The following NOVA1 variants were observed in gnomAD, a reference collection of about 807,000 sequenced individuals.
NOVA1 encodes the protein NOVA alternative splicing regulator 1.
Under a neutral mutation model 38.0 loss-of-function variants are expected in NOVA1, and 7 were observed. The observed-to-expected ratio is 0.18, with a 90% CI of 0.10 to 0.35. The LOEUF is 0.35. NOVA1 is among the 10% of genes least tolerant of loss of function. The pLI is 1.00. For missense variants in NOVA1, 460 were observed against 616.0 expected, an observed-to-expected ratio of 0.75 and a Z score of 2.68; for synonymous variants, 270 against 232.5, an observed-to-expected ratio of 1.16 and a Z score of -1.47.
Position 26,564,279 on chromosome 14 carries a change from T to C in NOVA1, c.280+31131A>G, listed in dbSNP as rs544775188. 3.2e-4 allele frequency among the ~76,000 whole-genome samples: 48 copies of C among 152,302 alleles called. No homozygotes were observed. In the South Asian group the frequency reaches 6.2e-3, roughly 20 times the overall value. On this transcript the variant is annotated intron_variant, in intron 2 of 4. Transcript: ENST00000539517. ...TTGATGAACTTGTAGCTAACGGTAC[T>C]AACAGCATAATAGCACTTACAACGC...
At chr14:26,511,090 C>G (rs1367475164) in intron 2 of NOVA1, among the ~76,000 whole-genome samples, 1 of 152,036 alleles carries the variant, frequency 6.6e-6, no homozygotes, top group Non-Finnish European at 1.5e-5. Flanking sequence ...CATGAAACTA[C>G]CATTTAGCAC....
chr14:26,500,762 ATTTTG>A (rs527920919), intron 2 of NOVA1, among the ~76,000 whole-genome samples: 3 of 152,126 alleles, frequency 2.0e-5, no homozygotes, highest in African/African-American at 4.8e-5. Flanking sequence ...TTATATAATC[ATTTTG>A]TTTTAAGATA....
chr14:26,533,290 G>A (rs1484835130), intron 2 of NOVA1, among the ~76,000 whole-genome samples: 5 of 151,976 alleles, frequency 3.3e-5, no homozygotes, highest in Admixed American at 2.6e-4. Context: ...TGTAGCCCTC[G>A]CTTAGGAGCC....
At chr14:26,578,478 A>G (rs1893003934) in intron 2 of NOVA1, among the ~76,000 whole-genome samples, 1 of 152,158 alleles carries the variant, frequency 6.6e-6, no homozygotes, top group African/African-American at 2.4e-5. Context: ...TAAGTAGGTA[A>G]GATGGAATGG....
chr14:26,477,814 G>T (rs1364939007), intron 3 of NOVA1, among the ~76,000 whole-genome samples: 1 of 151,764 alleles, frequency 6.6e-6, no homozygotes, highest in Admixed American at 6.6e-5. Context: ...AGAGCAAAAG[G>T]TCTGACTGAT....
At chr14:26,471,418 A>C (rs1884580620) in intron 4 of NOVA1, among the ~76,000 whole-genome samples, 1 of 151,836 alleles carries the variant, frequency 6.6e-6, no homozygotes, top group South Asian at 2.1e-4. Context: ...GCTTATATTT[A>C]ATATTTAAAT....
intron 2 of NOVA1, among the ~76,000 whole-genome samples, chr14:26,480,539 C>T (rs1370568402): frequency 6.6e-6 from 1 of 152,122 alleles, no homozygotes; most frequent in Non-Finnish European, 1.5e-5. Context: ...CGACATAAAA[C>T]CAGAGAATTG....
At chr14:26,589,323 A>G (rs1893706254) in intron 2 of NOVA1, among the ~76,000 whole-genome samples, 1 of 151,786 alleles carries the variant, frequency 6.6e-6, no homozygotes, top group East Asian at 1.9e-4. Flanking sequence ...TATATGTCAC[A>G]GACGCATACT....
intron 4 of NOVA1, among the ~76,000 whole-genome samples, chr14:26,460,048 C>T (rs965826022): frequency 6.6e-6 from 1 of 151,730 alleles, no homozygotes; most frequent in Non-Finnish European, 1.5e-5. Context: ...TTTAATTTCA[C>T]CAACAGTTTT....
At chr14:26,589,882 A>G (rs1893741879) in intron 2 of NOVA1, among the ~76,000 whole-genome samples, 2 of 151,866 alleles carry the variant, frequency 1.3e-5, no homozygotes, top group South Asian at 4.1e-4. Flanking sequence ...GAATAAAATG[A>G]AGAATATGGA....
chr14:26,523,712 CT>C (rs944888941), intron 2 of NOVA1, among the ~76,000 whole-genome samples: 71 of 120,176 alleles, frequency 5.9e-4, no homozygotes, highest in African/African-American at 1.9e-3. Context: ...ATATATCATT[CT>C]TTTTTTTTTC....
intron 2 of NOVA1, among the ~76,000 whole-genome samples, chr14:26,513,536 C>A (rs552679687): frequency 6.6e-6 from 1 of 151,406 alleles, no homozygotes; most frequent in Non-Finnish European, 1.5e-5. Context: ...GTGCAAATGG[C>A]AATAAATCCA....
intron 4 of NOVA1, chr14:26,470,140 T>C: frequency 4.3e-6 from 3 of 696,988 alleles, no homozygotes; most frequent in Non-Finnish European, 3.7e-6. Context: ...TTTTTTATTT[T>C]TGGTTTTCTG....
chr14:26,527,950 A>G (rs1566506403), intron 2 of NOVA1, among the ~76,000 whole-genome samples: 1 of 152,212 alleles, frequency 6.6e-6, no homozygotes, highest in Non-Finnish European at 1.5e-5. Context: ...AAACTAAAAA[A>G]GGTAACTAGA....
chr14:26,570,318 G>A (rs1892392465), intron 2 of NOVA1, among the ~76,000 whole-genome samples: 1 of 152,000 alleles, frequency 6.6e-6, no homozygotes, highest in Non-Finnish European at 1.5e-5. Flanking sequence ...CTGCACTCCA[G>A]CCTGGGCAAC....
At chr14:26,515,428 C>G (rs1888391256) in intron 2 of NOVA1, among the ~76,000 whole-genome samples, 1 of 151,922 alleles carries the variant, frequency 6.6e-6, no homozygotes, top group Non-Finnish European at 1.5e-5. Flanking sequence ...ACTTTATTTT[C>G]TTACATTCAC....
chr14:26,572,948 G>A (rs1453166920), intron 2 of NOVA1, among the ~76,000 whole-genome samples: 1 of 152,070 alleles, frequency 6.6e-6, no homozygotes, highest in African/African-American at 2.4e-5. Context: ...ATAATAAAGT[G>A]TACATAAAAC....
intron 4 of NOVA1, among the ~76,000 whole-genome samples, chr14:26,465,170 T>C (rs1386400831): frequency 2.0e-5 from 3 of 152,082 alleles, no homozygotes; most frequent in Non-Finnish European, 4.4e-5. Flanking sequence ...CTGAAAGAAA[T>C]ACAAATTAAT....
At chr14:26,512,173 G>C (rs533183432) in intron 2 of NOVA1, among the ~76,000 whole-genome samples, 1 of 152,232 alleles carries the variant, frequency 6.6e-6, no homozygotes, top group East Asian at 1.9e-4. Context: ...TCACTGAAAA[G>C]CTATATATTT....
Sources: gnomAD v4.1 joint callset for allele counts (sites outside exome capture counted in the v4.1 genomes callset) on GRCh38, gnomAD v4.1.1 for gene constraint, MANE v1.5 for transcripts, NCBI Gene and HGNC (gene_info 2026-07-23, HGNC 2026-07-21) for gene names.